The following ZNF385D variants were observed in gnomAD, a reference collection of about 807,000 sequenced individuals.
The protein encoded by ZNF385D is zinc finger protein 385D, also known as zinc finger protein 659.
ZNF385D carries 15 observed loss-of-function variants against 35.8 expected under a neutral mutation model. The observed-to-expected ratio is 0.42, with a 90% CI of 0.28 to 0.64. ZNF385D has a LOEUF of 0.64. ZNF385D is among the 30% of genes least tolerant of loss of function. The probability of loss-of-function intolerance (pLI) is 0.23; values close to 1 mark genes in which losing one functional copy is unlikely to be tolerated. For missense variants in ZNF385D, 474 were observed against 494.6 expected (o/e 0.96, Z 0.39); for synonymous variants, 212 against 186.8 (o/e 1.13, Z -1.10).
At position 22,226,911 on chromosome 3, in the gene ZNF385D, T is replaced by A. The variant is rs149047172; in HGVS notation, c.107-57876A>T. Among the ~76,000 whole-genome samples, 424 of 152,296 alleles carry A rather than the reference T, an allele frequency of 2.8e-3. 1 individual carries two copies. Among genetic ancestry groups the A allele is most frequent in the African/African-American group, 1.0e-2 (415 of 41,566 alleles). ...TCTCTCCATTCAATCTTGAATCATA[T>A]CATTGAGTTCATTCTTCCTTGACAT... On this transcript the variant is annotated intron_variant, in intron 2 of 5. Coordinates refer to the ZNF385D transcript ENST00000494108.
chr3:21,766,642 T>G (rs773638153), intron 3 of ZNF385D, among the ~76,000 whole-genome samples: 1 of 152,150 alleles, frequency 6.6e-6, no homozygotes, highest in Non-Finnish European at 1.5e-5. Context: ...AGGCCCACTA[T>G]GGAAGCAGTT....
intron 3 of ZNF385D, among the ~76,000 whole-genome samples, chr3:22,143,142 G>A (rs1464813385): frequency 1.3e-5 from 2 of 149,638 alleles, no homozygotes; most frequent in African/African-American, 2.5e-5. Flanking sequence ...GAGTGCAGTG[G>A]CACGATCTCC....
At chr3:22,083,702 C>T (rs1257878268) in intron 3 of ZNF385D, among the ~76,000 whole-genome samples, 2 of 152,062 alleles carry the variant, frequency 1.3e-5, no homozygotes, top group African/African-American at 4.8e-5. Context: ...GCAAGGCAGG[C>T]CAACATTCAA....
chr3:21,979,122 C>G (rs556557384), intron 3 of ZNF385D, among the ~76,000 whole-genome samples: 17 of 151,956 alleles, frequency 1.1e-4, no homozygotes, highest in African/African-American at 3.9e-4. Flanking sequence ...TGACCCTGAC[C>G]AAATGATACA....
intron 2 of ZNF385D, among the ~76,000 whole-genome samples, chr3:22,297,604 T>A (rs2125406848): frequency 6.6e-6 from 1 of 152,108 alleles, no homozygotes; most frequent in South Asian, 2.1e-4. Context: ...GGGAATGAAA[T>A]AGTTGTCTAG....
At chr3:21,592,543 CAAAAAAAAAAAACCAAAAACA>C (rs753704469) in intron 2 of ZNF385D, among the ~76,000 whole-genome samples, 26 of 124,956 alleles carry the variant, frequency 2.1e-4, no homozygotes, top group African/African-American at 3.5e-4. Flanking sequence ...GTCTTCATGG[CAAAAAAAAAAAACCAAAAACA>C]AAAAAAAAAA....
At chr3:21,972,785 C>A (rs1703345226) in intron 3 of ZNF385D, among the ~76,000 whole-genome samples, 1 of 151,810 alleles carries the variant, frequency 6.6e-6, no homozygotes, top group Non-Finnish European at 1.5e-5. Flanking sequence ...TGACTAGAGG[C>A]TACTCTGAGC....
intron 2 of ZNF385D, among the ~76,000 whole-genome samples, chr3:22,193,908 T>G (rs185041889): frequency 2.0e-5 from 3 of 152,154 alleles, no homozygotes; most frequent in Admixed American, 2.0e-4. Context: ...GTCATGGGAA[T>G]GTCAGTTTTA....
At chr3:21,737,815 G>A (rs2069318603) in intron 1 of ZNF385D, among the ~76,000 whole-genome samples, 1 of 152,200 alleles carries the variant, frequency 6.6e-6, no homozygotes, top group Admixed American at 6.5e-5. Flanking sequence ...ATGTGCCCAG[G>A]AAGAAGAGAG....
chr3:21,952,664 C>G (rs1479985), intron 3 of ZNF385D, among the ~76,000 whole-genome samples: 2 of 152,000 alleles, frequency 1.3e-5, no homozygotes, highest in African/African-American at 4.8e-5. Context: ...TAACTCCGAG[C>G]TTGGCCTAAA....
chr3:22,331,130 A>G (rs1286158527), intron 2 of ZNF385D, among the ~76,000 whole-genome samples: 1 of 152,186 alleles, frequency 6.6e-6, no homozygotes, highest in Non-Finnish European at 1.5e-5. Flanking sequence ...TGATTTAAGA[A>G]CTGACTGTTC....
At chr3:21,602,517 CTTTTTTTT>C (rs746138066) in intron 2 of ZNF385D, among the ~76,000 whole-genome samples, 22 of 62,720 alleles carry the variant, frequency 3.5e-4, no homozygotes, top group South Asian at 7.9e-4. Context: ...CCTGCATTTT[CTTTTTTTT>C]TTTTTTTTTT....
intron 2 of ZNF385D, among the ~76,000 whole-genome samples, chr3:22,270,673 C>T (rs1008136557): frequency 1.3e-5 from 2 of 152,040 alleles, no homozygotes; most frequent in East Asian, 1.9e-4. Flanking sequence ...TACTTATTTG[C>T]TTTCCTTACA....
intron 2 of ZNF385D, among the ~76,000 whole-genome samples, chr3:21,662,622 T>C (rs1205029230): frequency 1.3e-5 from 2 of 152,182 alleles, no homozygotes; most frequent in African/African-American, 2.4e-5. Flanking sequence ...AACAATTCAC[T>C]TCAGTTGGAA....
chr3:21,794,324 G>A (rs1052310862), intron 3 of ZNF385D, among the ~76,000 whole-genome samples: 1 of 151,994 alleles, frequency 6.6e-6, no homozygotes, highest in African/African-American at 2.4e-5. Flanking sequence ...TAAGGTGACT[G>A]GACATTCCTG....
At chr3:21,860,171 G>A (rs1157729239) in intron 3 of ZNF385D, among the ~76,000 whole-genome samples, 1 of 151,964 alleles carries the variant, frequency 6.6e-6, no homozygotes, top group African/African-American at 2.4e-5. Context: ...TCTAAAAGAG[G>A]TTGTTTTTGA....
chr3:22,305,432 A>T (rs1279655458), intron 2 of ZNF385D, among the ~76,000 whole-genome samples: 1 of 152,126 alleles, frequency 6.6e-6, no homozygotes, highest in African/African-American at 2.4e-5. Context: ...ACAACCTCAA[A>T]ATCTCAGTGG....
At chr3:21,831,713 T>C (rs971797974) in intron 3 of ZNF385D, among the ~76,000 whole-genome samples, 4 of 152,164 alleles carry the variant, frequency 2.6e-5, no homozygotes, top group Non-Finnish European at 4.4e-5. Flanking sequence ...TTGCCTTCTA[T>C]TGGATATAAA....
At chr3:21,424,483 C>G (rs1700916691) in intron 6 of ZNF385D, among the ~76,000 whole-genome samples, 1 of 148,424 alleles carries the variant, frequency 6.7e-6, no homozygotes, top group East Asian at 2.0e-4. Context: ...CCAGCTAATT[C>G]TTTGTATTTT....
Sources: gnomAD v4.1 joint callset for allele counts (sites outside exome capture counted in the v4.1 genomes callset) on GRCh38, gnomAD v4.1.1 for gene constraint, MANE v1.5 for transcripts, NCBI Gene and HGNC (gene_info 2026-07-23, HGNC 2026-07-21) for gene names.